Variants in TAFA1 observed in about 807,000 individuals in gnomAD.
The protein encoded by TAFA1 is TAFA chemokine like family member 1, also known as chemokine-like protein TAFA-1.
A neutral mutation model predicts 18.5 loss-of-function variants in TAFA1; 4 were observed. The observed-to-expected ratio is 0.22, with a 90% confidence interval of 0.11 to 0.49. The LOEUF (loss-of-function observed/expected upper bound fraction) is 0.49. TAFA1 is among the 20% of genes least tolerant of loss of function. TAFA1 has a pLI of 0.98. For missense variants in TAFA1, 147 were observed against 169.0 expected, an observed-to-expected ratio of 0.87 and a Z score of 0.72; for synonymous variants, 56 against 55.2, an observed-to-expected ratio of 1.01 and a Z score of -0.06.
intron 2 of TAFA1, among the ~76,000 whole-genome samples, chr3:68,303,794 T>C (rs2068355973): frequency 6.6e-6 from 1 of 151,972 alleles, no homozygotes; most frequent in Non-Finnish European, 1.5e-5. Flanking sequence ...AAGAGGCAAA[T>C]TTATTAAAGG....
At position 68,142,994 on chromosome 3, in the gene TAFA1, C is replaced by T. The variant is rs150853783; in HGVS notation, c.118+136250C>T. On this transcript the variant is annotated intron_variant, in intron 2 of 4. Coordinates refer to ENST00000478136, the MANE Select transcript of TAFA1 (RefSeq NM_213609.4). ...TACAGTCACAAAACCTTCTTGGTTT[C>T]GATTGCTCTGGAAGACTCTTTAAGA... 7.5e-4 allele frequency among the ~76,000 whole-genome samples: 114 copies of T among 151,604 alleles called. 2 individuals carry two copies. Among genetic ancestry groups the T allele is most frequent in the African/African-American group, 2.4e-3 (101 of 41,322 alleles).
chr3:68,083,504 T>C (rs889240554), intron 2 of TAFA1, among the ~76,000 whole-genome samples: 63 of 152,232 alleles, frequency 4.1e-4, no homozygotes, highest in African/African-American at 1.5e-3. Context: ...TTGGTTTAAT[T>C]TAGCTCATTT....
rs749601904 is a variant in TAFA1, at chr3:68,544,541, T to C, written c.*38T>C. Reference sequence around the variant, plus strand: ...TGGTAGTAAAGGAAAACCAACCCTCTGGAAAATACATTTTGAGAATCTCAA... The same window carrying C: ...TGGTAGTAAAGGAAAACCAACCCTCCGGAAAATACATTTTGAGAATCTCAA... On this transcript the variant is annotated 3_prime_UTR_variant, in exon 5 of 5. Transcript: ENST00000478136. 1.9e-6 allele frequency: 3 copies of C among 1,605,890 alleles called. No homozygotes were observed. In the East Asian group the frequency reaches 6.7e-5, roughly 36 times the overall value.
At chr3:68,453,634 T>C (rs1296796461) in intron 3 of TAFA1, among the ~76,000 whole-genome samples, 1 of 152,220 alleles carries the variant, frequency 6.6e-6, no homozygotes, top group Non-Finnish European at 1.5e-5. Context: ...CATTTGGCAA[T>C]GGGCAACAGA....
intron 2 of TAFA1, among the ~76,000 whole-genome samples, chr3:68,122,799 T>C (rs760277928): frequency 2.5e-4 from 38 of 151,838 alleles, no homozygotes; most frequent in Non-Finnish European, 4.9e-4. Context: ...TATATGTGTG[T>C]ATATATATAT....
At chr3:68,290,190 C>G (rs963234861) in intron 2 of TAFA1, among the ~76,000 whole-genome samples, 7 of 152,094 alleles carry the variant, frequency 4.6e-5, no homozygotes, top group African/African-American at 1.7e-4. Flanking sequence ...ACTTCTTTAG[C>G]TTTAGTTAAC....
At chr3:68,028,040 A>G (rs994790530) in intron 2 of TAFA1, among the ~76,000 whole-genome samples, 2 of 152,122 alleles carry the variant, frequency 1.3e-5, no homozygotes, top group South Asian at 4.2e-4. Context: ...ATAGTTCAAT[A>G]GAAATATGAT....
chr3:68,372,914 T>G (rs2106821318), intron 2 of TAFA1, among the ~76,000 whole-genome samples: 1 of 152,236 alleles, frequency 6.6e-6, no homozygotes, highest in African/African-American at 2.4e-5. Flanking sequence ...TTCACAAATA[T>G]TGCATTTAAA....
chr3:68,181,115 C>A (rs1160719632), intron 2 of TAFA1, among the ~76,000 whole-genome samples: 5 of 152,150 alleles, frequency 3.3e-5, no homozygotes, highest in Non-Finnish European at 4.4e-5. Flanking sequence ...ACCCTGCCAA[C>A]AAGCACATGA....
intron 2 of TAFA1, among the ~76,000 whole-genome samples, chr3:68,108,201 A>G (rs1262992578): frequency 2.0e-5 from 3 of 152,140 alleles, no homozygotes; most frequent in Non-Finnish European, 4.4e-5. Context: ...TTTGTCCTCT[A>G]AAGTGTTTAT....
chr3:68,379,281 T>G lies in TAFA1; in HGVS notation c.119-37999T>G, dbSNP rs1017040894. Among the ~76,000 whole-genome samples, 4 of 152,372 alleles carry G rather than the reference T, an allele frequency of 2.6e-5. No individual in the cohort carries two copies. The East Asian group carries it at 7.7e-4, about 29-fold the overall frequency. ...CAGTGATGTTGAGCTTCTTTTCATA[T>G]GATTGTTCACCACATGTATGTCTTC... On this transcript the variant is annotated intron_variant, in intron 2 of 4. Transcript: ENST00000478136.
intron 2 of TAFA1, among the ~76,000 whole-genome samples, chr3:68,051,916 C>T (rs902757453): frequency 1.3e-5 from 2 of 152,070 alleles, no homozygotes; most frequent in African/African-American, 4.8e-5. Flanking sequence ...ATACAAATGA[C>T]ATTCTTTGCA....
At chr3:68,264,702 A>G (rs139814198) in intron 2 of TAFA1, among the ~76,000 whole-genome samples, 32 of 146,796 alleles carry the variant, frequency 2.2e-4, no homozygotes, top group Non-Finnish European at 3.1e-4. Context: ...TATAGAAAGT[A>G]TATATAGATA....
intron 2 of TAFA1, among the ~76,000 whole-genome samples, chr3:68,271,562 C>T (rs1341261384): frequency 3.3e-5 from 5 of 152,120 alleles, no homozygotes; most frequent in East Asian, 1.9e-4. Flanking sequence ...TAAAATGACA[C>T]GTTCCTTATA....
At position 68,043,124 on chromosome 3, in the gene TAFA1, G is replaced by A. The variant is rs1209068703; in HGVS notation, c.118+36380G>A. On this transcript the variant is annotated intron_variant, in intron 2 of 4. Transcript: ENST00000478136. ...GGTCCTCACGTGATCTGCCTGCCTC[G>A]GCCTCCCAAAGTGCTGGGAATACAG... Among the ~76,000 whole-genome samples the A allele has an allele frequency of 3.9e-5, 6 of 151,950 alleles. No homozygotes were observed. In the East Asian group the frequency reaches 9.7e-4, roughly 25 times the overall value.
chr3:68,433,127 G>C (rs544010505), intron 3 of TAFA1, among the ~76,000 whole-genome samples: 3 of 152,004 alleles, frequency 2.0e-5, no homozygotes, highest in East Asian at 3.9e-4. Context: ...ATTTCCACCA[G>C]TCTGCTTACT....
intron 2 of TAFA1, among the ~76,000 whole-genome samples, chr3:68,380,918 C>A (rs1280325421): frequency 2.0e-5 from 3 of 150,442 alleles, no homozygotes; most frequent in Admixed American, 1.3e-4. Context: ...ACATGTAAGT[C>A]TTTAATCCAT....
At chr3:68,154,862 AAG>A (rs1420659612) in intron 2 of TAFA1, among the ~76,000 whole-genome samples, 1 of 152,172 alleles carries the variant, frequency 6.6e-6, no homozygotes, top group Non-Finnish European at 1.5e-5. Context: ...ATAATGGAGG[AAG>A]AGAGCATAGA....
intron 2 of TAFA1, among the ~76,000 whole-genome samples, chr3:68,200,676 A>G (rs2066460336): frequency 6.6e-6 from 1 of 151,646 alleles, no homozygotes; most frequent in Non-Finnish European, 1.5e-5. Flanking sequence ...TGTAGCATGT[A>G]CTAATATTAA....
Sources: allele counts gnomAD v4.1 joint callset (sites outside exome capture counted in the v4.1 genomes callset), GRCh38; gene constraint gnomAD v4.1.1; transcripts MANE v1.5; gene names NCBI Gene and HGNC (gene_info 2026-07-23, HGNC 2026-07-21).